Variants in APBA2 observed in about 807,000 individuals in gnomAD.
APBA2 encodes amyloid beta precursor protein binding family A member 2.
In APBA2, 30 loss-of-function variants were observed where a neutral mutation model predicts 75.0. That is an observed-to-expected ratio of 0.40 (90% CI 0.30 to 0.54). APBA2 has a LOEUF of 0.54. APBA2 is among the 20% of genes least tolerant of loss of function. The pLI, the probability that APBA2 is intolerant of heterozygous loss-of-function variation, is 0.49. For missense variants in APBA2, 801 were observed against 1,016.1 expected, an observed-to-expected ratio of 0.79 and a Z score of 2.88; for synonymous variants, 444 against 409.6, an observed-to-expected ratio of 1.08 and a Z score of -1.01.
intron 3 of APBA2, among the ~76,000 whole-genome samples, chr15:29,001,264 A>C (rs1300495871): frequency 6.6e-6 from 1 of 151,934 alleles, no homozygotes; most frequent in Non-Finnish European, 1.5e-5. Flanking sequence ...CCCAGGCTGG[A>C]GTGCAGTGGC....
Position 29,106,757 on chromosome 15 carries a change from A to G in APBA2, c.1855A>G (p.Met619Val), listed in dbSNP as rs747859164. The change falls in exon 12 of 15, where the codon ATG becomes GTG. Residue 619 changes from methionine (M) to valine (V), a missense_variant. Physicochemically the swap from Met to Val is conservative, Grantham distance 21. Around this residue, in one of 2 missense-constraint regions of APBA2, gnomAD observed 367 missense variants for 544.5 expected, o/e 0.67. Coordinates refer to ENST00000683413, the MANE Select transcript of APBA2 (RefSeq NM_001353788.2). ...GAAGCTGAGCATCGGGGACCAGATC[A>G]TGTCCATCAATGGCACCAGCCTGGT... ...SGKLSIGDQI[M>V]SINGTSLVGL... 4 of 1,612,930 alleles carry G rather than the reference A, an allele frequency of 2.5e-6. No individual in the cohort carries two copies. The highest frequency in any genetic ancestry group is 3.4e-6 in the Non-Finnish European group (4 of 1,180,008).
intron 3 of APBA2, among the ~76,000 whole-genome samples, chr15:29,017,931 C>G (rs967476776): frequency 6.6e-6 from 1 of 151,820 alleles, no homozygotes; most frequent in Non-Finnish European, 1.5e-5. Context: ...CTTTGCTGTC[C>G]TTGTACTTGC....
chr15:28,886,069 C>A lies in APBA2; in HGVS notation c.-414C>A, dbSNP rs2031692465. 1 of 149,036 alleles carries A rather than the reference C, an allele frequency of 6.7e-6. No homozygotes were observed. The highest frequency in any genetic ancestry group is 6.7e-5 in the Admixed American group (1 of 14,970). The allele number at this position is 149,036 out of a possible 1,614,324, so 9.2% of individuals were successfully genotyped here. ...CGGGATGCGCCCCGCAGCCGCGCCG[C>A]GTGCGCCCGGCAGAGGCGGCCCTGC... is the stretch of plus-strand genomic sequence containing the variant. On this transcript the variant is annotated 5_prime_UTR_variant, in exon 1 of 15. Transcript: ENST00000683413.
intron 5 of APBA2, 82 bp from the exon 6 acceptor site, chr15:29,075,973 T>G (rs2042830552): frequency 1.5e-6 from 2 of 1,305,892 alleles, no homozygotes; most frequent in South Asian, 2.4e-5. Context: ...ATGGCTCATA[T>G]CACAGCCCTG....
chr15:28,967,491 T>A (rs1184495030), intron 2 of APBA2, among the ~76,000 whole-genome samples: 1 of 152,150 alleles, frequency 6.6e-6, no homozygotes, highest in Non-Finnish European at 1.5e-5. Context: ...TAGGCTGGAG[T>A]GCAGTGGCAC....
chr15:29,022,127 A>AG (rs2039984562), intron 3 of APBA2, among the ~76,000 whole-genome samples: 2 of 152,160 alleles, frequency 1.3e-5, no homozygotes. Flanking sequence ...TCTCTGAAAT[A>AG]CCGATTTCAG....
At chr15:28,983,610 C>G (rs954911265) in intron 2 of APBA2, among the ~76,000 whole-genome samples, 3 of 152,216 alleles carry the variant, frequency 2.0e-5, no homozygotes, top group Non-Finnish European at 1.5e-5. Flanking sequence ...CCTCCAGGAG[C>G]GCTGTCGGCT....
rs546264336 is a variant in APBA2, at chr15:29,083,061, C to CA, written c.1069+6981dup. Among the ~76,000 whole-genome samples, 81 of 142,314 alleles carry CA rather than the reference C, an allele frequency of 5.7e-4. No individual in the cohort carries two copies. The South Asian group carries it at 6.9e-3, about 12-fold the overall frequency. 93.4% of individuals were successfully genotyped at this position (142,314 alleles called of 152,430 possible). ...TGGGCAACAGAGTGAGACACCGTCT[C>CA]AAAAAAAAAAATTAATTGATTAATT... On this transcript the variant is annotated intron_variant, in intron 6 of 14. Coordinates refer to ENST00000683413, the MANE Select transcript of APBA2 (RefSeq NM_001353788.2).
chr15:29,108,120 G>A, intron 12 of APBA2, 150 bp from the exon 13 acceptor site: 1 of 1,145,654 alleles, frequency 8.7e-7, no homozygotes, highest in South Asian at 1.3e-5. Flanking sequence ...GCTGCACAGA[G>A]GGGCTACCGA....
At chr15:28,972,671 A>G (rs1269050020) in intron 2 of APBA2, among the ~76,000 whole-genome samples, 2 of 152,262 alleles carry the variant, frequency 1.3e-5, no homozygotes, top group Non-Finnish European at 2.9e-5. Context: ...TGTGCCCACC[A>G]GGCACACTTA....
intron 3 of APBA2, among the ~76,000 whole-genome samples, chr15:29,021,605 C>T (rs184645977): frequency 9.2e-5 from 14 of 152,268 alleles, no homozygotes; most frequent in Non-Finnish European, 5.9e-5. Context: ...CACCTGCTCA[C>T]GTTTCCTCCT....
chr15:28,983,646 G>C (rs935546382), intron 2 of APBA2, among the ~76,000 whole-genome samples: 1 of 152,148 alleles, frequency 6.6e-6, no homozygotes, highest in South Asian at 2.1e-4. Flanking sequence ...CCCACCTCGC[G>C]GTGTAGGAGG....
intron 6 of APBA2, among the ~76,000 whole-genome samples, chr15:29,079,619 C>T (rs1044292331): frequency 3.3e-5 from 5 of 152,118 alleles, no homozygotes; most frequent in Admixed American, 1.3e-4. Context: ...TCCCATCCCA[C>T]TGCGGGCCCT....
chr15:28,911,503 G>T (rs1398600559), intron 1 of APBA2, among the ~76,000 whole-genome samples: 1 of 152,194 alleles, frequency 6.6e-6, no homozygotes, highest in African/African-American at 2.4e-5. Context: ...CTCTTCAGGG[G>T]TTGTGGAGGG....
intron 3 of APBA2, among the ~76,000 whole-genome samples, chr15:29,011,548 C>A (rs2039404077): frequency 6.6e-6 from 1 of 152,160 alleles, no homozygotes; most frequent in South Asian, 2.1e-4. Context: ...ACTTGTCCAC[C>A]ATATGATTAA....
chr15:28,988,195 C>T (rs2152778643), intron 2 of APBA2, among the ~76,000 whole-genome samples: 1 of 152,124 alleles, frequency 6.6e-6, no homozygotes, highest in East Asian at 1.9e-4. Context: ...GTATTTCTAT[C>T]CCTGTTAGTT....
intron 2 of APBA2, among the ~76,000 whole-genome samples, chr15:28,927,548 A>C (rs1054309136): frequency 2.6e-5 from 4 of 151,544 alleles, no homozygotes; most frequent in African/African-American, 9.7e-5. Flanking sequence ...CAGTTCTTGG[A>C]TACTTTGTTC....
In APBA2 at chr15:29,097,378, C is replaced by A. The variant is rs182741284; in HGVS notation, c.1252-1112C>A. ...AGCTCCCGGGGGCTGGCCCTCCTCC[C>A]TCCCAGGTGCCTCTTACAGACTGCC... On this transcript the variant is annotated intron_variant, in intron 8 of 14. Coordinates refer to ENST00000683413, the MANE Select transcript of APBA2 (RefSeq NM_001353788.2). Among the ~76,000 whole-genome samples the A allele has an allele frequency of 6.1e-3, 928 of 152,388 alleles. 6 individuals carry two copies. Among genetic ancestry groups the A allele is most frequent in the Middle Eastern group, 0.02 (6 of 294 alleles).
chr15:29,078,133 A>G (rs2152928445), intron 6 of APBA2, among the ~76,000 whole-genome samples: 1 of 151,524 alleles, frequency 6.6e-6, no homozygotes, highest in South Asian at 2.1e-4. Flanking sequence ...CGTCTGTACT[A>G]AAATACAAAA....
Sources: allele counts gnomAD v4.1 joint callset (sites outside exome capture counted in the v4.1 genomes callset), GRCh38; gene constraint gnomAD v4.1.1; regional missense constraint gnomAD v4.1.1; transcripts MANE v1.5; gene names NCBI Gene and HGNC (gene_info 2026-07-23, HGNC 2026-07-21).